Variants in APBA1 observed in about 807,000 individuals in gnomAD.
APBA1 encodes the protein amyloid beta precursor protein binding family A member 1, also known as amyloid-beta A4 precursor protein-binding family A member 1.
In APBA1, 55 loss-of-function variants were observed where a neutral mutation model predicts 86.6. That is an observed-to-expected ratio of 0.64 (90% CI 0.51 to 0.80). The LOEUF (loss-of-function observed/expected upper bound fraction) is 0.80, where lower values mean the gene tolerates loss of function less well. Ranked by LOEUF, APBA1 falls within the 30% of genes least tolerant of loss-of-function variation. The pLI is 0.00. For synonymous variants in APBA1, 511 were observed against 493.9 expected (o/e 1.03, Z -0.46); for missense variants, 1,090 against 1,183.0 (o/e 0.92, Z 1.15).
intron 2 of APBA1, among the ~76,000 whole-genome samples, chr9:69,512,251 ACAGT>A (rs1461270009): frequency 6.6e-6 from 1 of 151,146 alleles, no homozygotes; most frequent in African/African-American, 2.5e-5. Context: ...TGTTTAGAAC[ACAGT>A]TATTTTCTCT....
At chr9:69,434,459 A>G (rs1158868668) in intron 11 of APBA1, among the ~76,000 whole-genome samples, 3 of 152,146 alleles carry the variant, frequency 2.0e-5, no homozygotes, top group Non-Finnish European at 4.4e-5. Flanking sequence ...CTGGGATACC[A>G]GCACTTTGGG....
intron 5 of APBA1, chr9:69,461,390 A>T (rs1485982911): frequency 6.6e-6 from 1 of 152,152 alleles, no homozygotes; most frequent in Non-Finnish European, 1.5e-5. Context: ...GCCGCTGTTA[A>T]CACACTCTAG....
chr9:69,443,104 G>T (rs893979594), intron 10 of APBA1, among the ~76,000 whole-genome samples: 1 of 152,168 alleles, frequency 6.6e-6, no homozygotes, highest in African/African-American at 2.4e-5. Context: ...TGGCCAGCAG[G>T]TGTACACCAA....
At position 69,516,660 on chromosome 9, in the gene APBA1, G is replaced by GCGT. The variant is rs773891801; in HGVS notation, c.550_551insACG (p.Ser184delinsTyrAla). ...GCCGCCGTAGTCGGCATAGGGCTCG[G>GCGT]AGTAGGGCTCGTCCTCACCGCGGTG... On this transcript the variant is annotated protein_altering_variant, in exon 2 of 13. Coordinates refer to ENST00000265381, the MANE Select transcript of APBA1 (RefSeq NM_001163.4). This position sits in a 1 kb window ranked among gnomAD's most constrained non-coding sequence, Gnocchi z 7.3. The GCGT allele has an allele frequency of 6.2e-6, 10 of 1,609,548 alleles. No individual in the cohort carries two copies. In the East Asian group the frequency reaches 2.2e-4, roughly 36 times the overall value.
At chr9:69,472,807 C>A (rs965838528) in intron 3 of APBA1, among the ~76,000 whole-genome samples, 3 of 152,168 alleles carry the variant, frequency 2.0e-5, no homozygotes, top group Non-Finnish European at 4.4e-5. Context: ...ACTCCCTAAC[C>A]TAGCACTTGA....
chr9:69,597,437 G>A (rs1183151422), intron 1 of APBA1, among the ~76,000 whole-genome samples: 7 of 152,220 alleles, frequency 4.6e-5, no homozygotes, highest in Admixed American at 1.3e-4. Context: ...GGTAGGTTGC[G>A]AAAATTGTCT....
intron 1 of APBA1, among the ~76,000 whole-genome samples, chr9:69,569,517 G>A (rs1837083011): frequency 6.6e-6 from 1 of 151,178 alleles, no homozygotes; most frequent in Non-Finnish European, 1.5e-5. Context: ...GTAGAAGCCA[G>A]GAATGCTACT....
At position 69,476,989 on chromosome 9, in the gene APBA1, C is replaced by G. The variant is rs536804753; in HGVS notation, c.1201-846G>C. 5.9e-5 allele frequency among the ~76,000 whole-genome samples: 9 copies of G among 152,322 alleles called. No individual in the cohort carries two copies. In the East Asian group the frequency reaches 1.7e-3, roughly 29 times the overall value. On this transcript the variant is annotated intron_variant, in intron 2 of 12. Coordinates refer to ENST00000265381, the MANE Select transcript of APBA1 (RefSeq NM_001163.4). ...AGCAAGCACAGGGATGGGACTGATA[C>G]AGACCCGGAAAACACTCCCCAGCCT...
At chr9:69,500,839 G>A (rs1042766342) in intron 2 of APBA1, among the ~76,000 whole-genome samples, 3 of 152,078 alleles carry the variant, frequency 2.0e-5, no homozygotes, top group Admixed American at 2.0e-4. Context: ...GGCGAGATCC[G>A]CATGATTACA....
chr9:69,431,167 T>C lies in APBA1; in HGVS notation c.*160A>G. The C allele has an allele frequency of 2.9e-6, 1 of 346,350 alleles. No homozygotes were observed. Among genetic ancestry groups the C allele is most frequent in the Non-Finnish European group, 5.1e-6 (1 of 194,626 alleles). The allele number at this position is 346,350 out of a possible 1,614,324, so 21.5% of individuals were successfully genotyped here. On this transcript the variant is annotated 3_prime_UTR_variant, in exon 13 of 13. Coordinates refer to ENST00000265381, the MANE Select transcript of APBA1 (RefSeq NM_001163.4). ...AAAAAAAAAAAAAAAAAAAAGCAAA[T>C]CGGAGAGAGTAAAGAGGTCCTTGTG...
At chr9:69,596,205 T>C (rs971243782) in intron 1 of APBA1, among the ~76,000 whole-genome samples, 2 of 152,178 alleles carry the variant, frequency 1.3e-5, no homozygotes, top group South Asian at 2.1e-4. Flanking sequence ...CATGCTGGCA[T>C]TGAACTCCTG....
In APBA1 at chr9:69,489,898, C is replaced by A. The variant is rs369163552; in HGVS notation, c.1201-13755G>T. ...GGTGGGACTATAAACTAGTTCAACC[C>A]TTGTGGAAGTCAGTGTGGCGATTCC... is the stretch of plus-strand genomic sequence containing the variant. On this transcript the variant is annotated intron_variant, in intron 2 of 12. Coordinates refer to ENST00000265381, the MANE Select transcript of APBA1 (RefSeq NM_001163.4). 2.6e-4 allele frequency among the ~76,000 whole-genome samples: 40 copies of A among 152,232 alleles called. 1 individual carries two copies. The highest frequency in any genetic ancestry group is 8.9e-4 in the African/African-American group (37 of 41,534).
chr9:69,515,690 T>TGGG (rs60382603), intron 2 of APBA1, among the ~76,000 whole-genome samples: 7 of 110,806 alleles, frequency 6.3e-5, no homozygotes, highest in East Asian at 6.1e-4. Flanking sequence ...AATCAGAAAC[T>TGGG]GGGGGGGGGG....
At chr9:69,540,742 G>T (rs1403482278) in intron 1 of APBA1, among the ~76,000 whole-genome samples, 1 of 152,152 alleles carries the variant, frequency 6.6e-6, no homozygotes, top group African/African-American at 2.4e-5. Context: ...GGTACCACAG[G>T]CATGAACTAC....
intron 9 of APBA1, among the ~76,000 whole-genome samples, chr9:69,451,860 T>C (rs1010197705): frequency 6.6e-6 from 1 of 152,212 alleles, no homozygotes; most frequent in African/African-American, 2.4e-5. Flanking sequence ...CCTATCTGCC[T>C]CTGGGACCCA....
intron 8 of APBA1, among the ~76,000 whole-genome samples, chr9:69,454,621 G>A (rs367695044): frequency 1.5e-4 from 23 of 152,302 alleles, no homozygotes; most frequent in African/African-American, 5.5e-4. Context: ...AAGCAAAGGG[G>A]TAAGATTCTC....
At chr9:69,649,448 C>T (rs1195067426) in intron 1 of APBA1, among the ~76,000 whole-genome samples, 2 of 151,990 alleles carry the variant, frequency 1.3e-5, no homozygotes, top group Non-Finnish European at 2.9e-5. Flanking sequence ...CACTTACCCC[C>T]TAGAGTCACT....
intron 6 of APBA1, 63 bp from the exon 7 acceptor site, chr9:69,457,202 G>A: frequency 7.7e-7 from 1 of 1,306,678 alleles, no homozygotes. Context: ...GATGCAGAAG[G>A]AGTAAGGTTA....
intron 1 of APBA1, among the ~76,000 whole-genome samples, chr9:69,574,408 C>G (rs1193490697): frequency 6.6e-6 from 1 of 152,170 alleles, no homozygotes; most frequent in Non-Finnish European, 1.5e-5. Context: ...ACTTTACTTG[C>G]TTCACTCCAG....
Sources: allele counts gnomAD v4.1 joint callset (sites outside exome capture counted in the v4.1 genomes callset), GRCh38; gene constraint gnomAD v4.1.1; non-coding constraint Gnocchi (gnomAD v3.1); transcripts MANE v1.5; gene names NCBI Gene and HGNC (gene_info 2026-07-23, HGNC 2026-07-21).